PVT1: variants seen among roughly 807,000 people sequenced by gnomAD.
The protein encoded by PVT1 is CXCR4/PVT1 fusion.
chr8:127,798,431 A>G (rs1460472316), intron 2 of PVT1, among the ~76,000 whole-genome samples: 1 of 152,148 alleles, frequency 6.6e-6, no homozygotes, highest in Admixed American at 6.5e-5. Flanking sequence ...AAGATACCTC[A>G]TGCTCTGCCT....
intron 2 of PVT1, among the ~76,000 whole-genome samples, chr8:127,852,810 C>T (rs1035632648): frequency 5.3e-5 from 8 of 152,320 alleles, no homozygotes; most frequent in African/African-American, 7.2e-5. Context: ...TCTGGACACA[C>T]GTTATGACAT....
At chr8:127,811,896 T>C (rs1814598955) in intron 2 of PVT1, among the ~76,000 whole-genome samples, 4 of 152,086 alleles carry the variant, frequency 2.6e-5, no homozygotes, top group Admixed American at 2.6e-4. Flanking sequence ...GTAACAAGCA[T>C]GATTTTCAGA....
chr8:127,964,605 A>G (rs1816683653), intron 3 of PVT1, among the ~76,000 whole-genome samples: 1 of 152,186 alleles, frequency 6.6e-6, no homozygotes, highest in Non-Finnish European at 1.5e-5. Context: ...TCAAGGTGTC[A>G]GCGAGGTTGA....
intron 4 of PVT1, chr8:128,009,012 A>G (rs1253254393): frequency 4.1e-6 from 2 of 487,884 alleles, no homozygotes; most frequent in African/African-American, 3.9e-5. Flanking sequence ...GTATAAATAT[A>G]TGGCTGAACT....
At chr8:127,813,386 C>G (rs999599054) in intron 2 of PVT1, among the ~76,000 whole-genome samples, 1 of 151,848 alleles carries the variant, frequency 6.6e-6, no homozygotes, top group African/African-American at 2.4e-5. Context: ...AGTGTCTTCT[C>G]CTGCTCTCTG....
intron 2 of PVT1, among the ~76,000 whole-genome samples, chr8:127,865,576 A>C (rs1815278037): frequency 6.6e-6 from 1 of 152,142 alleles, no homozygotes; most frequent in African/African-American, 2.4e-5. Flanking sequence ...TGGAGGAAGG[A>C]GCCATGAGAC....
intron 2 of PVT1, among the ~76,000 whole-genome samples, chr8:127,820,776 C>T (rs1000181324): frequency 3.3e-5 from 5 of 151,836 alleles, no homozygotes; most frequent in South Asian, 2.1e-4. Flanking sequence ...GTGGCGCGAT[C>T]TTGGCTCACT....
Position 127,985,042 on chromosome 8 carries a change from C to CT in PVT1, n.783-4109dup, listed in dbSNP as rs748656064. ...CCTTCCTTCCTTCCTTCCTTTCCTT[C>CT]TTTTTTTTTTTGACAGATTCTCACT... On this transcript the variant is annotated intron_variant and non_coding_transcript_variant, in intron 3 of 10. Transcript: ENST00000651587. Among the ~76,000 whole-genome samples the CT allele has an allele frequency of 1.4e-4, 17 of 118,308 alleles. 1 individual carries two copies. The highest frequency in any genetic ancestry group is 5.2e-4 in the East Asian group (2 of 3,840). 77.6% of individuals were successfully genotyped at this position (118,308 alleles called of 152,430 possible). A position where few individuals can be genotyped will look rare whatever the true frequency, so the allele number is the denominator to read the frequency against.
At chr8:127,834,312 C>T (rs1410738506) in intron 2 of PVT1, among the ~76,000 whole-genome samples, 1 of 152,104 alleles carries the variant, frequency 6.6e-6, no homozygotes, top group Non-Finnish European at 1.5e-5. Flanking sequence ...CAAAAACAAG[C>T]AATGGGGAAA....
chr8:127,871,112 A>G (rs1295790725), intron 2 of PVT1, among the ~76,000 whole-genome samples: 3 of 152,206 alleles, frequency 2.0e-5, no homozygotes, highest in Non-Finnish European at 4.4e-5. Flanking sequence ...CTCTGCAAGG[A>G]AAAAATAAAG....
chr8:127,991,655 G>C (rs1817043239), intron 4 of PVT1, among the ~76,000 whole-genome samples: 1 of 152,326 alleles, frequency 6.6e-6, no homozygotes, highest in Admixed American at 6.5e-5. Context: ...GGGTGACGGA[G>C]AGACATTTCC....
chr8:128,026,996 T>C (rs1285206022), intron 4 of PVT1, among the ~76,000 whole-genome samples: 1 of 152,154 alleles, frequency 6.6e-6, no homozygotes, highest in South Asian at 2.1e-4. Flanking sequence ...TCGATCTTCT[T>C]GAGTTCTCTA....
At chr8:127,918,351 C>G (rs1816015034) in intron 3 of PVT1, among the ~76,000 whole-genome samples, 4 of 149,758 alleles carry the variant, frequency 2.7e-5, no homozygotes, top group Admixed American at 2.7e-4. Flanking sequence ...GTATGGCTGG[C>G]TAGATTGGAA....
At chr8:127,960,583 C>CG (rs752219283) in intron 3 of PVT1, 1 of 446,064 alleles carries the variant, frequency 2.2e-6, no homozygotes, top group East Asian at 7.1e-5. Flanking sequence ...GGATGCACCA[C>CG]GATAGGGAAA....
At chr8:127,973,837 G>A (rs1174559492) in intron 3 of PVT1, among the ~76,000 whole-genome samples, 10 of 151,874 alleles carry the variant, frequency 6.6e-5, no homozygotes, top group South Asian at 2.1e-4. Context: ...AAAATTAGCC[G>A]GGCGTGGTGG....
chr8:127,927,742 C>T (rs186744992), intron 3 of PVT1, among the ~76,000 whole-genome samples: 60 of 152,294 alleles, frequency 3.9e-4, no homozygotes, highest in Middle Eastern at 3.4e-3. Flanking sequence ...ATCTGTAAGC[C>T]GTGCTGACCC....
intron 2 of PVT1, among the ~76,000 whole-genome samples, chr8:127,861,250 T>C (rs1563623931): frequency 6.6e-6 from 1 of 152,170 alleles, no homozygotes. Context: ...AGTGGCACAG[T>C]TGGGCCACTT....
At chr8:127,937,653 G>A (rs1399888924) in intron 3 of PVT1, among the ~76,000 whole-genome samples, 1 of 149,624 alleles carries the variant, frequency 6.7e-6, no homozygotes, top group African/African-American at 2.5e-5. Context: ...ACCTTCAGAA[G>A]CAAAGGCAGA....
chr8:127,883,712 G>A (rs1432669963), intron 2 of PVT1, among the ~76,000 whole-genome samples: 2 of 152,196 alleles, frequency 1.3e-5, no homozygotes, highest in African/African-American at 2.4e-5. Context: ...TGACAGATTT[G>A]GTCCTGACAG....
Sources: allele counts gnomAD v4.1 joint callset (sites outside exome capture counted in the v4.1 genomes callset), GRCh38; gene constraint gnomAD v4.1.1; transcripts MANE v1.5; gene names NCBI Gene and HGNC (gene_info 2026-07-23, HGNC 2026-07-21).